The following CAPN13 variants were observed in gnomAD, a reference collection of about 807,000 sequenced individuals.
The protein encoded by CAPN13 is calpain 13.
Under a neutral mutation model 98.4 loss-of-function variants are expected in CAPN13, and 90 were observed. That is an observed-to-expected ratio of 0.92 (90% CI 0.77 to 1.09). CAPN13 has a LOEUF of 1.09. Among genes scored for constraint, CAPN13 ranks in the 50% least tolerant of loss-of-function variants. The probability of loss-of-function intolerance (pLI) is 0.00; values close to 1 mark genes in which losing one functional copy is unlikely to be tolerated. For synonymous variants in CAPN13, 330 were observed against 305.5 expected (o/e 1.08, Z -0.84); for missense variants, 887 against 841.3 (o/e 1.05, Z -0.67).
At chr2:30,743,944 C>A (rs923907954) in intron 12 of CAPN13, among the ~76,000 whole-genome samples, 1 of 152,220 alleles carries the variant, frequency 6.6e-6, no homozygotes, top group Non-Finnish European at 1.5e-5. Flanking sequence ...AGCCCCTTCT[C>A]TCCTGAATGT....
At chr2:30,725,012 C>T (rs72613859) in intron 22 of CAPN13, among the ~76,000 whole-genome samples, 1 of 152,198 alleles carries the variant, frequency 6.6e-6, no homozygotes, top group East Asian at 1.9e-4. Flanking sequence ...TATTTTTATA[C>T]AGTGGGAAAT....
chr2:30,753,843 C>G (rs1672300348), intron 9 of CAPN13, among the ~76,000 whole-genome samples: 1 of 152,104 alleles, frequency 6.6e-6, no homozygotes, highest in African/African-American at 2.4e-5. Context: ...AACATCTAGT[C>G]CTGTGTGACT....
intron 5 of CAPN13, among the ~76,000 whole-genome samples, chr2:30,765,998 G>A (rs1436886652): frequency 1.3e-5 from 2 of 152,174 alleles, no homozygotes; most frequent in Non-Finnish European, 2.9e-5. Flanking sequence ...TGCCCGGTTG[G>A]GGCTGAGCTC....
intron 1 of CAPN13, among the ~76,000 whole-genome samples, chr2:30,803,591 T>C (rs1208781537): frequency 2.0e-5 from 3 of 152,070 alleles, no homozygotes; most frequent in Admixed American, 1.3e-4. Context: ...AACCCCAGAG[T>C]CCTGGCTGTC....
chr2:30,798,947 A>G lies in CAPN13; in HGVS notation c.-33+8355T>C, dbSNP rs555754599. Among the ~76,000 whole-genome samples, 5 of 152,308 alleles carry G rather than the reference A, an allele frequency of 3.3e-5. No individual in the cohort carries two copies. In the East Asian group the frequency reaches 9.7e-4, roughly 29 times the overall value. On this transcript the variant is annotated intron_variant, in intron 1 of 22. Transcript: ENST00000295055. ...TGTGTGTATGTGTGTGTTTAATTAC[A>G]CTGTTTAACACATCGAGAATAATTT...
intron 2 of CAPN13, among the ~76,000 whole-genome samples, chr2:30,784,399 C>G (rs1674151960): frequency 6.6e-6 from 1 of 152,138 alleles, no homozygotes; most frequent in South Asian, 2.1e-4. Flanking sequence ...ATCACAGTAA[C>G]AAAAACTAGT....
chr2:30,803,919 T>C (rs1675444207), intron 1 of CAPN13, among the ~76,000 whole-genome samples: 1 of 152,178 alleles, frequency 6.6e-6, no homozygotes, highest in Admixed American at 6.5e-5. Flanking sequence ...GGCTTAAGGC[T>C]TGGCTGAGCT....
At chr2:30,782,060 G>T (rs1459754795) in intron 2 of CAPN13, among the ~76,000 whole-genome samples, 1 of 152,108 alleles carries the variant, frequency 6.6e-6, no homozygotes, top group Non-Finnish European at 1.5e-5. Context: ...TGTTATATTA[G>T]GTATGTCAGA....
intron 2 of CAPN13, among the ~76,000 whole-genome samples, chr2:30,779,613 A>C (rs1005021640): frequency 6.6e-6 from 1 of 152,182 alleles, no homozygotes; most frequent in Non-Finnish European, 1.5e-5. Flanking sequence ...TGCAAAATTA[A>C]AAAGGCTATA....
intron 22 of CAPN13, among the ~76,000 whole-genome samples, chr2:30,730,222 A>T (rs920616743): frequency 2.0e-5 from 3 of 152,142 alleles, no homozygotes; most frequent in African/African-American, 4.8e-5. Context: ...AAAAATGTAG[A>T]GGAAATGACG....
At chr2:30,776,482 A>G (rs150337181) in intron 3 of CAPN13, among the ~76,000 whole-genome samples, 4,052 of 152,122 alleles carry the variant, frequency 0.027, 66 homozygotes, top group Middle Eastern at 0.058. Context: ...CAAAGTGCTG[A>G]GATTACAGGT....
chr2:30,728,293 ATACTT>A (rs1218570340), intron 22 of CAPN13, among the ~76,000 whole-genome samples: 2 of 151,798 alleles, frequency 1.3e-5, no homozygotes, highest in African/African-American at 4.8e-5. Context: ...ATTGAACTCT[ATACTT>A]TAAATGAGCA....
At chr2:30,777,858 C>T (rs548354895) in intron 2 of CAPN13, among the ~76,000 whole-genome samples, 12 of 152,244 alleles carry the variant, frequency 7.9e-5, no homozygotes, top group Non-Finnish European at 1.8e-4. Flanking sequence ...GCCATAAATG[C>T]ATTAGCATAC....
At chr2:30,728,663 T>G (rs914637710) in intron 22 of CAPN13, among the ~76,000 whole-genome samples, 8 of 152,180 alleles carry the variant, frequency 5.3e-5, no homozygotes, top group Non-Finnish European at 1.2e-4. Context: ...TCCATGTTAA[T>G]GATGCCAGAT....
intron 1 of CAPN13, among the ~76,000 whole-genome samples, chr2:30,801,508 G>T (rs1675268463): frequency 6.6e-6 from 1 of 151,472 alleles, no homozygotes; most frequent in African/African-American, 2.4e-5. Flanking sequence ...AGGAGGCTGA[G>T]GCTGGAGAAT....
chr2:30,763,196 A>G, intron 6 of CAPN13, 40 bp from the exon 7 acceptor site: 6 of 1,560,442 alleles, frequency 3.8e-6, no homozygotes, highest in Non-Finnish European at 5.3e-6. Context: ...AGACATCTAC[A>G]GGTTCTTCAA....
chr2:30,745,670 T>C, intron 12 of CAPN13, 53 bp downstream of exon 12: 1 of 1,589,454 alleles, frequency 6.3e-7, no homozygotes, highest in Non-Finnish European at 8.5e-7. Context: ...GGCCTAACAC[T>C]CCACCAGCAG....
chr2:30,784,452 T>C (rs560309801), intron 2 of CAPN13, among the ~76,000 whole-genome samples: 8 of 152,318 alleles, frequency 5.3e-5, no homozygotes, highest in African/African-American at 1.7e-4. Flanking sequence ...ATTCTAAGTA[T>C]TGTACTCATT....
chr2:30,738,051 A>T (rs1272046960), intron 17 of CAPN13, 184 bp downstream of exon 17: 2 of 661,128 alleles, frequency 3.0e-6, no homozygotes, highest in East Asian at 5.6e-5. Context: ...ATAGATGGTA[A>T]CTATTATCAT....
Sources: gnomAD v4.1 joint callset for allele counts (sites outside exome capture counted in the v4.1 genomes callset) on GRCh38, gnomAD v4.1.1 for gene constraint, MANE v1.5 for transcripts, NCBI Gene and HGNC (gene_info 2026-07-23, HGNC 2026-07-21) for gene names.